LRRC23: variants seen among roughly 807,000 people sequenced by gnomAD.
LRRC23 encodes leucine rich repeat containing 23, also known as leucine-rich repeat-containing protein 23.
In LRRC23, 28 loss-of-function variants were observed where a neutral mutation model predicts 37.7. That is an observed-to-expected ratio of 0.74 (90% CI 0.55 to 1.02). The LOEUF (loss-of-function observed/expected upper bound fraction) is 1.02, where lower values mean the gene tolerates loss of function less well. Ranked by LOEUF, LRRC23 falls within the 50% of genes least tolerant of loss-of-function variation. The probability of loss-of-function intolerance (pLI) is 0.00; values close to 1 mark genes in which losing one functional copy is unlikely to be tolerated. For synonymous variants in LRRC23, 161 were observed against 165.4 expected, an observed-to-expected ratio of 0.97 and a Z score of 0.20; for missense variants, 377 against 413.2, an observed-to-expected ratio of 0.91 and a Z score of 0.76.
At chr12:6,908,028 C>CTTTAATTAATTT (rs1944991645) in intron 5 of LRRC23, among the ~76,000 whole-genome samples, 80 of 152,310 alleles carry the variant, frequency 5.3e-4, no homozygotes, top group Admixed American at 5.1e-3. Context: ...TTCCCATGAC[C>CTTTAATTAATTT]TCTTCTCTGG....
At chr12:6,908,420 A>C (rs1945001382) in intron 5 of LRRC23, among the ~76,000 whole-genome samples, 6 of 151,722 alleles carry the variant, frequency 4.0e-5, no homozygotes, top group Admixed American at 3.9e-4. Flanking sequence ...AACATGGCGA[A>C]ACTCTGTCTC....
intron 2 of LRRC23, 42 bp downstream of exon 2, chr12:6,905,801 G>C (rs782284151): frequency 6.2e-7 from 1 of 1,613,120 alleles, no homozygotes; most frequent in South Asian, 1.1e-5. Context: ...CTGAAGGAGG[G>C]GGTTGGGCAG....
rs1555140272 is a variant in LRRC23, at chr12:6,909,178, A to ATC, written c.622-711_622-710insCT. Among the ~76,000 whole-genome samples the ATC allele has an allele frequency of 2.8e-3, 58 of 20,958 alleles. 16 individuals are homozygous for ATC. The highest frequency in any genetic ancestry group is 0.027 in the African/African-American group (55 of 2,028). The allele number at this position is 20,958 out of a possible 152,430, so 13.7% of individuals were successfully genotyped here. On this transcript the variant is annotated intron_variant, in intron 5 of 7. Coordinates refer to ENST00000443597, the MANE Select transcript of LRRC23 (RefSeq NM_001135217.2). ...ATATTATATATAAAATATATAATAT[A>ATC]TAATTATATATTATATATAATATAT...
chr12:6,909,783 C>T, intron 5 of LRRC23, 107 bp from the exon 6 acceptor site: 1 of 1,052,490 alleles, frequency 9.5e-7, no homozygotes, highest in Non-Finnish European at 1.4e-6. Context: ...TTCCACTCCT[C>T]CCTCTCTACC....
intron 7 of LRRC23, among the ~76,000 whole-genome samples, chr12:6,913,574 T>G (rs1385442974): frequency 1.3e-4 from 17 of 131,368 alleles, no homozygotes; most frequent in African/African-American, 5.0e-4. Flanking sequence ...TTTTTTTTTT[T>G]TTTTTTTTTG....
In LRRC23 at chr12:6,905,859, C is replaced by T. The variant is rs147166327; in HGVS notation, c.141C>T (p.Pro47=). ...TCTACCTGCAGTGGCTGCCCACCCC[C>T]CTCACGGAGGACATGATGAAGGAAG... The part of the protein sequence containing the change: ...EEFPEEWLPT[P]LTEDMMKEGL... Residue 47 remains proline, a synonymous_variant, in exon 3 of 8, where the codon CCC becomes CCT. Transcript: ENST00000443597. The T allele has an allele frequency of 1.9e-6, 3 of 1,613,954 alleles. No individual in the cohort carries two copies. The highest frequency in any genetic ancestry group is 2.2e-5 in the East Asian group (1 of 44,856).
Position 6,912,862 on chromosome 12 carries a change from A to G in LRRC23, c.891A>G (p.Pro297=), listed in dbSNP as rs782699286. 1.2e-6 allele frequency: 2 copies of G among 1,614,170 alleles called. No individual in the cohort carries two copies. The highest frequency in any genetic ancestry group is 2.2e-5 in the East Asian group (1 of 44,876). The change falls in exon 7 of 8, where the codon CCA becomes CCG. Residue 297 remains proline, a synonymous_variant. Transcript: ENST00000443597. ...GCCAGGAGGCCCTGGTGCAGATGCC[A>G]TACCTTGAACGCCTGGACAAGGAAT... ...SYRQEALVQM[P]YLERLDKEFY... is the part of the protein sequence containing the mutation.
chr12:6,906,585 T>C lies in LRRC23; in HGVS notation c.413T>C (p.Ile138Thr). The C allele has an allele frequency of 6.2e-7, 1 of 1,614,206 alleles. No homozygotes were observed. The highest frequency in any genetic ancestry group is 8.5e-7 in the Non-Finnish European group (1 of 1,180,036). ...ATGAATGAACTGCCCTACCTGCAGA[T>C]TGCTAGTTTTGCTTATAACCAGATT... Reference protein sequence around the residue: ...AQMNELPYLQIASFAYNQITD... With the variant: ...AQMNELPYLQTASFAYNQITD... Residue 138 changes from isoleucine (I) to threonine (T), a missense_variant, in exon 4 of 8, where the codon ATT (isoleucine) becomes ACT (threonine). Transcript: ENST00000443597.
chr12:6,905,607 C>T lies in LRRC23; in HGVS notation c.-27C>T. ...CAGGAGGAGGACTGAGCTTATCTGACTCCAGAGCTTTCAGGAGGGAAGAAA... is the reference window on the plus strand; with the variant it reads ...CAGGAGGAGGACTGAGCTTATCTGATTCCAGAGCTTTCAGGAGGGAAGAAA... On this transcript the variant is annotated 5_prime_UTR_variant, in exon 2 of 8. Transcript: ENST00000443597. 6.2e-7 allele frequency: 1 copy of T among 1,613,020 alleles called. No homozygotes were observed. Among genetic ancestry groups the T allele is most frequent in the African/African-American group, 1.3e-5 (1 of 74,940 alleles).
intron 6 of LRRC23, 145 bp downstream of exon 6, chr12:6,910,171 C>A: frequency 1.4e-6 from 1 of 722,814 alleles, no homozygotes; most frequent in Non-Finnish European, 2.2e-6. Context: ...CTTTCTTCTG[C>A]ACTGAGTTGC....
rs1555141267 is a variant in LRRC23, at chr12:6,914,129, A to T, written c.*263A>T. ...CCGCCCTCGGGCAGGCGTGGGTGAGAGCCAAGACCGCGTGGGCCGCGGGGT... is the reference window on the plus strand; with the variant it reads ...CCGCCCTCGGGCAGGCGTGGGTGAGTGCCAAGACCGCGTGGGCCGCGGGGT... On this transcript the variant is annotated 3_prime_UTR_variant, in exon 8 of 8. Transcript: ENST00000443597. This position sits in a 1 kb window ranked among gnomAD's most constrained non-coding sequence, Gnocchi z 7.1. 6.8e-7 allele frequency: 1 copy of T among 1,481,014 alleles called. No homozygotes were observed. Among genetic ancestry groups the T allele is most frequent in the East Asian group, 2.4e-5 (1 of 42,118 alleles). 91.7% of individuals were successfully genotyped at this position (1,481,014 alleles called of 1,614,324 possible). A position where few individuals can be genotyped will look rare whatever the true frequency, so the allele number is the denominator to read the frequency against.
At chr12:6,908,622 C>CAAAAAAAA (rs1565552999) in intron 5 of LRRC23, among the ~76,000 whole-genome samples, 1 of 65,754 alleles carries the variant, frequency 1.5e-5, no homozygotes, top group African/African-American at 5.7e-5. Flanking sequence ...AAAAAAAAAC[C>CAAAAAAAA]AAAGAAAAAC....
chr12:6,914,090 G>T lies in LRRC23; in HGVS notation c.*224G>T, dbSNP rs782378479. 2.6e-6 allele frequency: 4 copies of T among 1,534,780 alleles called. No individual in the cohort carries two copies. In the African/African-American group the frequency reaches 4.2e-5, roughly 16 times the overall value. On this transcript the variant is annotated 3_prime_UTR_variant, in exon 8 of 8. Coordinates refer to ENST00000443597, the MANE Select transcript of LRRC23 (RefSeq NM_001135217.2). This position sits in a 1 kb window ranked among gnomAD's most constrained non-coding sequence, Gnocchi z 7.1. ...TGCCTAGGCCTGAGCGTTGCCTGGA[G>T]CCTAGGCCGGGGGCCGCCCTCGGGC...
At position 6,909,396 on chromosome 12, in the gene LRRC23, T is replaced by TATATAATATATTTTATATAATATATAAA. The variant is rs1565554217; in HGVS notation, c.622-494_622-493insATATAATATATTTTATATAATATATAAA. On this transcript the variant is annotated intron_variant, in intron 5 of 7. Coordinates refer to ENST00000443597, the MANE Select transcript of LRRC23 (RefSeq NM_001135217.2). ...ATATATTTTATATAATATATAAATA[T>TATATAATATATTTTATATAATATATAAA]TATATATAATAGTATATTATATATA... Among the ~76,000 whole-genome samples the TATATAATATATTTTATATAATATATAAA allele has an allele frequency of 8.1e-5, 3 of 36,854 alleles. 1 individual carries two copies. The highest frequency in any genetic ancestry group is 1.2e-4 in the Non-Finnish European group (3 of 24,318). 24.2% of individuals were successfully genotyped at this position (36,854 alleles called of 152,430 possible).
At chr12:6,909,430 ATAT>A (rs372249094) in intron 5 of LRRC23, among the ~76,000 whole-genome samples, 8,005 of 50,280 alleles carry the variant, frequency 0.16, 1,779 homozygotes, top group African/African-American at 0.53. Context: ...TAATATATAA[ATAT>A]TATATATAAT....
At chr12:6,910,134 T>C in intron 6 of LRRC23, 108 bp downstream of exon 6, 1 of 1,122,486 alleles carries the variant, frequency 8.9e-7, no homozygotes, top group Non-Finnish European at 1.3e-6. Flanking sequence ...CACAGCTGGA[T>C]TCTCAAGGAA....
At position 6,912,867 on chromosome 12, in the gene LRRC23, T is replaced by C; in HGVS notation, c.896T>C (p.Leu299Pro). Residue 299 changes from leucine (L) to proline (P), a missense_variant, in exon 7 of 8, where the codon CTT becomes CCT. Physicochemically the swap from Leu to Pro is moderately conservative, Grantham distance 98. Coordinates refer to ENST00000443597, the MANE Select transcript of LRRC23 (RefSeq NM_001135217.2). ...RQEALVQMPYLERLDKEFYEE... is the reference protein window; with the variant it reads ...RQEALVQMPYPERLDKEFYEE... ...GAGGCCCTGGTGCAGATGCCATACC[T>C]TGAACGCCTGGACAAGGAATTCTAT... is the stretch of plus-strand genomic sequence containing the variant. The C allele has an allele frequency of 6.2e-7, 1 of 1,614,070 alleles. No individual in the cohort carries two copies. The highest frequency in any genetic ancestry group is 1.1e-5 in the South Asian group (1 of 91,068).
At position 6,904,868 on chromosome 12, in the gene LRRC23, C is replaced by G. The variant is rs1375961835; in HGVS notation, c.-257C>G. 1 of 152,288 alleles carries G rather than the reference C, an allele frequency of 6.6e-6. No individual in the cohort carries two copies. The highest frequency in any genetic ancestry group is 1.5e-5 in the Non-Finnish European group (1 of 68,072). 9.4% of individuals were successfully genotyped at this position (152,288 alleles called of 1,614,324 possible). ...AAGTGGCGTGGTAACCAGGCAACTA[C>G]TGATCAATCCCCTCCCCGGCTGATT... On this transcript the variant is annotated 5_prime_UTR_variant, in exon 1 of 8. Coordinates refer to ENST00000443597, the MANE Select transcript of LRRC23 (RefSeq NM_001135217.2).
chr12:6,907,475 G>A (rs1944976252), intron 5 of LRRC23, 30 bp downstream of exon 5: 1 of 1,613,508 alleles, frequency 6.2e-7, no homozygotes, highest in Admixed American at 1.7e-5. Flanking sequence ...GGTGGTGCAG[G>A]GAAGAGGGCA....
Sources: gnomAD v4.1 joint callset for allele counts (sites outside exome capture counted in the v4.1 genomes callset) on GRCh38, gnomAD v4.1.1 for gene constraint, Gnocchi (gnomAD v3.1) non-coding constraint, MANE v1.5 for transcripts, NCBI Gene and HGNC (gene_info 2026-07-23, HGNC 2026-07-21) for gene names.